Variants in TMEM108 observed in about 807,000 individuals in gnomAD.
TMEM108 encodes cancer/testis antigen 124.
TMEM108 carries 12 observed loss-of-function variants against 35.1 expected under a neutral mutation model. That is an observed-to-expected ratio of 0.34 (90% CI 0.22 to 0.55). TMEM108 has a LOEUF of 0.55. Ranked by LOEUF, TMEM108 falls within the 20% of genes least tolerant of loss-of-function variation. TMEM108 has a pLI of 0.89. For missense variants in TMEM108, 680 were observed against 753.3 expected, an observed-to-expected ratio of 0.90 and a Z score of 1.14; for synonymous variants, 287 against 308.6, an observed-to-expected ratio of 0.93 and a Z score of 0.73.
At chr3:133,390,694 T>C (rs1403846067) in intron 5 of TMEM108, among the ~76,000 whole-genome samples, 1 of 151,998 alleles carries the variant, frequency 6.6e-6, no homozygotes, top group Non-Finnish European at 1.5e-5. Context: ...GAGATGTGGC[T>C]GGAGGACAAA....
At chr3:133,374,726 A>G (rs1164879332) in intron 3 of TMEM108, among the ~76,000 whole-genome samples, 2 of 152,176 alleles carry the variant, frequency 1.3e-5, no homozygotes, top group Non-Finnish European at 2.9e-5. Context: ...GTTACTTGCA[A>G]AATGAATTTA....
intron 2 of TMEM108, among the ~76,000 whole-genome samples, chr3:133,188,521 A>G (rs1191977537): frequency 6.6e-6 from 1 of 151,072 alleles, no homozygotes; most frequent in African/African-American, 2.4e-5. Context: ...GGTTTGTACT[A>G]TTAAGAAAAT....
At chr3:133,272,272 C>CATGTGTGTGTGTGTGTGTGTGT (rs373072243) in intron 3 of TMEM108, among the ~76,000 whole-genome samples, 1 of 137,726 alleles carries the variant, frequency 7.3e-6, no homozygotes, top group African/African-American at 2.7e-5. Flanking sequence ...CATACACGTA[C>CATGTGTGTGTGTGTGTGTGTGT]GTGTGTGTGT....
chr3:133,313,390 G>A (rs188695876), intron 3 of TMEM108, among the ~76,000 whole-genome samples: 417 of 152,080 alleles, frequency 2.7e-3, no homozygotes, highest in Non-Finnish European at 4.6e-3. Flanking sequence ...GTAGAGACGG[G>A]TTTTCACCGT....
At chr3:133,287,403 C>T (rs952141387) in intron 3 of TMEM108, among the ~76,000 whole-genome samples, 1 of 152,168 alleles carries the variant, frequency 6.6e-6, no homozygotes, top group Non-Finnish European at 1.5e-5. Context: ...GTATATCATG[C>T]GTATCTACTC....
At chr3:133,137,518 G>A (rs1242853758) in intron 2 of TMEM108, among the ~76,000 whole-genome samples, 1 of 152,178 alleles carries the variant, frequency 6.6e-6, no homozygotes, top group African/African-American at 2.4e-5. Context: ...AACATCTGAA[G>A]GGGCTCACTC....
At chr3:133,337,513 G>A (rs1559910503) in intron 3 of TMEM108, among the ~76,000 whole-genome samples, 1 of 152,138 alleles carries the variant, frequency 6.6e-6, no homozygotes, top group Non-Finnish European at 1.5e-5. Context: ...GTCCCCTAAC[G>A]CAGATATGGC....
intron 1 of TMEM108, among the ~76,000 whole-genome samples, chr3:133,041,365 T>A (rs1943274002): frequency 6.6e-6 from 1 of 152,074 alleles, no homozygotes; most frequent in Admixed American, 6.6e-5. Context: ...TTGGCTCATG[T>A]CACCCCCCAG....
At chr3:133,200,800 A>C (rs948245087) in intron 2 of TMEM108, among the ~76,000 whole-genome samples, 6 of 152,224 alleles carry the variant, frequency 3.9e-5, no homozygotes, top group Middle Eastern at 3.2e-3. Context: ...CCAATATGGT[A>C]ATCATTAGCC....
At chr3:133,158,485 A>G (rs368840391) in intron 2 of TMEM108, among the ~76,000 whole-genome samples, 30 of 151,548 alleles carry the variant, frequency 2.0e-4, no homozygotes, top group Middle Eastern at 3.4e-3. Context: ...AAAAAAAAAA[A>G]AAAAGAAAAG....
At position 133,138,331 on chromosome 3, in the gene TMEM108, A is replaced by T. The variant is rs532105182; in HGVS notation, c.-46-90935A>T. Among the ~76,000 whole-genome samples the T allele has an allele frequency of 1.6e-4, 24 of 152,334 alleles. No homozygotes were observed. In the South Asian group the frequency reaches 5.0e-3, roughly 32 times the overall value. ...AATGACTTTCTGGAGAACCCATATT[A>T]GTCTCTTCCTTTATAAGACTTCACA... On this transcript the variant is annotated intron_variant, in intron 2 of 5. Transcript: ENST00000321871.
At chr3:133,270,490 G>T (rs1946754703) in intron 3 of TMEM108, among the ~76,000 whole-genome samples, 1 of 152,194 alleles carries the variant, frequency 6.6e-6, no homozygotes, top group Non-Finnish European at 1.5e-5. Flanking sequence ...ATCTGCAGAG[G>T]CAAGTCTAAA....
intron 2 of TMEM108, among the ~76,000 whole-genome samples, chr3:133,091,756 A>T (rs1216119522): frequency 6.6e-6 from 1 of 152,202 alleles, no homozygotes; most frequent in Non-Finnish European, 1.5e-5. Flanking sequence ...CAGTAGAGAA[A>T]TGTAAAGTAT....
Position 133,198,216 on chromosome 3 carries a change from C to T in TMEM108, c.-46-31050C>T, listed in dbSNP as rs140783661. On this transcript the variant is annotated intron_variant, in intron 2 of 5. Coordinates refer to ENST00000321871, the MANE Select transcript of TMEM108 (RefSeq NM_023943.4). ...TATCACCTCTAGTTAAACCCACTGG[C>T]GAGAGAGGGATTCCCACCCTAGGAT... Among the ~76,000 whole-genome samples the T allele has an allele frequency of 5.9e-4, 90 of 152,216 alleles. 1 individual carries two copies. The East Asian group carries it at 0.014, about 23-fold the overall frequency.
Position 133,309,682 on chromosome 3 carries a change from C to CTTTTTTTT in TMEM108, c.41-70041_41-70034dup, listed in dbSNP as rs148272827. Among the ~76,000 whole-genome samples, 41 of 69,196 alleles carry CTTTTTTTT rather than the reference C, an allele frequency of 5.9e-4. 9 individuals carry two copies. Among genetic ancestry groups the CTTTTTTTT allele is most frequent in the Non-Finnish European group, 9.5e-4 (34 of 35,700 alleles). The allele number at this position is 69,196 out of a possible 152,430, so 45.4% of individuals were successfully genotyped here. On this transcript the variant is annotated intron_variant, in intron 3 of 5. Transcript: ENST00000321871. ...TAGTTATGCGGGTTTGAGTGAGTTT[C>CTTTTTTTT]TTTTTTTTTTTTTTTTTTTTTTTTT...
rs566874332 is a variant in TMEM108, at chr3:133,111,487, G to GTA, written c.-47+65477_-47+65478dup. ...TTGACTTTAATATAGATATATGTGT[G>GTA]TATATATATATCTGTATGGAGGCCC... On this transcript the variant is annotated intron_variant, in intron 2 of 5. Transcript: ENST00000321871. 7.6e-4 allele frequency among the ~76,000 whole-genome samples: 115 copies of GTA among 151,954 alleles called. No homozygotes were observed. The East Asian group carries it at 0.013, about 17-fold the overall frequency.
chr3:133,177,328 A>T (rs35028627), intron 2 of TMEM108, among the ~76,000 whole-genome samples: 28,190 of 152,156 alleles, frequency 0.19, 3,443 homozygotes, highest in East Asian at 0.37. Context: ...GGCCAGCATC[A>T]TCCTGATACC....
chr3:133,071,374 T>A (rs577560965), intron 2 of TMEM108, among the ~76,000 whole-genome samples: 1 of 152,306 alleles, frequency 6.6e-6, no homozygotes, highest in East Asian at 1.9e-4. Context: ...TATGTCTGTG[T>A]CAAAATTTCT....
chr3:133,124,445 T>C (rs1342410601), intron 2 of TMEM108, among the ~76,000 whole-genome samples: 1 of 152,126 alleles, frequency 6.6e-6, no homozygotes, highest in African/African-American at 2.4e-5. Flanking sequence ...TAGCCTAGGG[T>C]GAGACCCTCA....
Sources: allele counts gnomAD v4.1 joint callset (sites outside exome capture counted in the v4.1 genomes callset), GRCh38; gene constraint gnomAD v4.1.1; transcripts MANE v1.5; gene names NCBI Gene and HGNC (gene_info 2026-07-23, HGNC 2026-07-21).